The following PGAP2 variants were observed in gnomAD, a reference collection of about 807,000 sequenced individuals.
The protein encoded by PGAP2 is acyltransferase PGAP2.
Under a neutral mutation model 33.2 loss-of-function variants are expected in PGAP2, and 21 were observed. The ratio of observed to expected loss-of-function variants is 0.63; its 90% CI spans 0.45 to 0.91. PGAP2 has a LOEUF of 0.91. Among genes scored for constraint, PGAP2 ranks in the 40% least tolerant of loss-of-function variants. The probability of loss-of-function intolerance (pLI) is 0.00; values close to 1 mark genes in which losing one functional copy is unlikely to be tolerated. For missense variants in PGAP2, 345 were observed against 424.0 expected (o/e 0.81, Z 1.64); for synonymous variants, 161 against 172.9 (o/e 0.93, Z 0.54).
upstream of PGAP2, among the ~76,000 whole-genome samples, chr11:3,806,714 A>T (rs1445537679): frequency 5.9e-5 from 9 of 152,176 alleles, no homozygotes. Flanking sequence ...CCTGTTTTCC[A>T]TTGTAAAATG....
At chr11:3,823,019 CTTTTCTTTTTTTTTTTTT>C in intron 3 of PGAP2, 3 of 385,008 alleles carry the variant, frequency 7.8e-6, no homozygotes, top group South Asian at 5.3e-5. Context: ...TTTCTTTTTT[CTTTTCTTTTTTTTTTTTT>C]TTTTTTTTTT....
In PGAP2 at chr11:3,826,223, G is replaced by C. The variant is rs1292692900; in HGVS notation, c.*765G>C. On this transcript the variant is annotated 3_prime_UTR_variant, in exon 7 of 7. Transcript: ENST00000278243. ...CCCTCCTTTGCAAAGGTATGGGATA[G>C]AGGGGTCAGATGCAGATCTCTACTG... 1 of 152,262 alleles carries C rather than the reference G, an allele frequency of 6.6e-6. No homozygotes were observed. Among genetic ancestry groups the C allele is most frequent in the Non-Finnish European group, 1.5e-5 (1 of 68,056 alleles). The allele number at this position is 152,262 out of a possible 1,614,324, so 9.4% of individuals were successfully genotyped here. A position where few individuals can be genotyped will look rare whatever the true frequency, so the allele number is the denominator to read the frequency against.
At chr11:3,804,809 C>T (rs754805427), upstream of PGAP2, among the ~76,000 whole-genome samples, 2 of 152,162 alleles carry the variant, frequency 1.3e-5, no homozygotes, top group Non-Finnish European at 2.9e-5. Flanking sequence ...TCAAGCAATT[C>T]TCCTGCTTTA....
chr11:3,823,054 T>C, intron 3 of PGAP2: 1 of 564,914 alleles, frequency 1.8e-6, no homozygotes. Context: ...TTTTTTTTTT[T>C]GAGACAGAGT....
intron 1 of PGAP2, among the ~76,000 whole-genome samples, chr11:3,799,503 T>G (rs894389023): frequency 6.6e-6 from 1 of 152,152 alleles, no homozygotes; most frequent in Non-Finnish European, 1.5e-5. Flanking sequence ...ATCCTGCCAC[T>G]GCGCTCCAGA....
upstream of PGAP2, chr11:3,808,341 A>G: frequency 1.9e-6 from 3 of 1,551,294 alleles, no homozygotes; most frequent in Non-Finnish European, 2.6e-6. Flanking sequence ...GGCTTATCCA[A>G]CATGCTCAAA....
chr11:3,798,115 A>C, intron 1 of PGAP2: 1 of 1,469,200 alleles, frequency 6.8e-7, no homozygotes, highest in Non-Finnish European at 8.9e-7. Flanking sequence ...GTCTGTCCAA[A>C]GAGTTTGCCC....
At chr11:3,802,598 T>G (rs2083613211) in intron 1 of PGAP2, among the ~76,000 whole-genome samples, 1 of 152,134 alleles carries the variant, frequency 6.6e-6, no homozygotes, top group Non-Finnish European at 1.5e-5. Context: ...GAGAACTCAC[T>G]GTATGCAGCT....
chr11:3,800,518 T>C (rs557845092), intron 1 of PGAP2, among the ~76,000 whole-genome samples: 14 of 152,216 alleles, frequency 9.2e-5, no homozygotes, highest in Admixed American at 7.2e-4. Flanking sequence ...TTTAATTTAA[T>C]TAAGAAATTT....
intron 3 of PGAP2, among the ~76,000 whole-genome samples, chr11:3,822,191 C>T (rs984368690): frequency 5.3e-5 from 8 of 151,850 alleles, no homozygotes; most frequent in African/African-American, 9.7e-5. Flanking sequence ...GGTGAAACCC[C>T]GTCTCTACTA....
rs189293997 is a variant in PGAP2, at chr11:3,814,995, T to C, written c.166-2358T>C. 6.0e-3 allele frequency among the ~76,000 whole-genome samples: 913 copies of C among 151,510 alleles called. 5 individuals are homozygous for C. The highest frequency in any genetic ancestry group is 8.5e-3 in the Non-Finnish European group (578 of 67,906). On this transcript the variant is annotated intron_variant, in intron 2 of 6. Transcript: ENST00000278243. ...CTCTGTTGCCCAGGCTGGAGTGCAG[T>C]GGCACAATCTTGGCTCACTGCGACC...
Position 3,825,108 on chromosome 11 carries a change from A to T in PGAP2, c.797A>T (p.Asn266Ile). The change falls in exon 6 of 7, where the codon AAC becomes ATC. Residue 266 changes from asparagine (N) to isoleucine (I), a missense_variant. Asn to Ile is a moderately radical substitution (Grantham distance 149, BLOSUM62 -3). This residue lies in a region of PGAP2 where 311 missense variants were observed against 353.6 expected (regional missense o/e 0.88). Coordinates refer to ENST00000278243, the MANE Select transcript of PGAP2 (RefSeq NM_014489.4). ...GCGCTGGCTGTCTACTTTCGGCACA[A>T]CATGTATTGTGAGGCTGGAGGTGAG... ...FSALAVYFRH[N>I]MYCEAGVYTI... 1 of 1,614,156 alleles carries T rather than the reference A, an allele frequency of 6.2e-7. No homozygotes were observed. The highest frequency in any genetic ancestry group is 8.5e-7 in the Non-Finnish European group (1 of 1,180,034).
chr11:3,815,004 C>G (rs1026658114), intron 2 of PGAP2, among the ~76,000 whole-genome samples: 3 of 150,936 alleles, frequency 2.0e-5, no homozygotes, highest in African/African-American at 7.3e-5. Context: ...GTGGCACAAT[C>G]TTGGCTCACT....
upstream of PGAP2, among the ~76,000 whole-genome samples, chr11:3,803,787 A>G (rs1841603319): frequency 1.3e-5 from 1 of 79,792 alleles, no homozygotes; most frequent in Non-Finnish European, 3.0e-5. Flanking sequence ...TTACTGCTAT[A>G]TATATATATA....
intron 2 of PGAP2, among the ~76,000 whole-genome samples, chr11:3,813,795 T>C (rs2086133564): frequency 6.6e-6 from 1 of 152,172 alleles, no homozygotes; most frequent in Admixed American, 6.5e-5. Context: ...ATTTGTATAG[T>C]ATATGGAGTT....
intron 3 of PGAP2, among the ~76,000 whole-genome samples, chr11:3,819,753 G>T (rs1349625834): frequency 6.6e-6 from 1 of 152,142 alleles, no homozygotes; most frequent in Non-Finnish European, 1.5e-5. Flanking sequence ...GATGTTGCTT[G>T]TTGCTGGTGC....
At chr11:3,798,149 C>G in intron 1 of PGAP2, 2 of 1,434,532 alleles carry the variant, frequency 1.4e-6, no homozygotes, top group African/African-American at 1.5e-5. Flanking sequence ...GGCCCTAAAT[C>G]CTGACCCTAT....
In PGAP2 at chr11:3,825,513, G is replaced by C. The variant is rs979346954; in HGVS notation, c.*55G>C. On this transcript the variant is annotated 3_prime_UTR_variant, in exon 7 of 7. Transcript: ENST00000278243. ...CCCACTGCCCAGAAACAAGAAACAC[G>C]ATACCATTCTGGCCTTCCCCACCCC... 1 of 1,575,510 alleles carries C rather than the reference G, an allele frequency of 6.3e-7. No homozygotes were observed. Among genetic ancestry groups the C allele is most frequent in the Middle Eastern group, 2.2e-4 (1 of 4,446 alleles).
intron 2 of PGAP2, among the ~76,000 whole-genome samples, chr11:3,814,748 T>TTTCCTTCTTTCC (rs1565011131): frequency 8.9e-6 from 1 of 112,656 alleles, no homozygotes; most frequent in South Asian, 3.0e-4. Flanking sequence ...TCTTTCCTTC[T>TTTCCTTCTTTCC]TTTCTTTCTT....
Sources: allele counts gnomAD v4.1 joint callset (sites outside exome capture counted in the v4.1 genomes callset), GRCh38; gene constraint gnomAD v4.1.1; regional missense constraint gnomAD v4.1.1; transcripts MANE v1.5; gene names NCBI Gene and HGNC (gene_info 2026-07-23, HGNC 2026-07-21).